Variants in CNTN4 observed in about 807,000 individuals in gnomAD.
The protein encoded by CNTN4 is contactin-4.
Under a neutral mutation model 122.5 loss-of-function variants are expected in CNTN4, and 77 were observed. That is an observed-to-expected ratio of 0.63 (90% confidence interval 0.52 to 0.76). CNTN4 has a LOEUF of 0.76. Ranked by LOEUF, CNTN4 falls within the 30% of genes least tolerant of loss-of-function variation. The pLI is 0.00. For missense variants in CNTN4, 1,256 were observed against 1,259.1 expected (o/e 1.00, Z 0.04); for synonymous variants, 512 against 447.0 (o/e 1.15, Z -1.83).
chr3:2,635,798 G>A (rs2150073920), intron 4 of CNTN4, among the ~76,000 whole-genome samples: 1 of 152,238 alleles, frequency 6.6e-6, no homozygotes, highest in South Asian at 2.1e-4. Flanking sequence ...ACTTGAGAAA[G>A]TTACGTTTGT....
intron 2 of CNTN4, among the ~76,000 whole-genome samples, chr3:2,283,993 C>A (rs1008671864): frequency 4.6e-5 from 7 of 152,114 alleles, no homozygotes; most frequent in African/African-American, 1.7e-4. Context: ...TTATCTAGTT[C>A]ATCTCTTGCT....
chr3:2,592,570 G>A (rs533347876), intron 4 of CNTN4, among the ~76,000 whole-genome samples: 58 of 152,220 alleles, frequency 3.8e-4, no homozygotes, highest in African/African-American at 1.3e-3. Flanking sequence ...TTTTAAAAAC[G>A]GGAGTTTCTC....
At chr3:2,899,470 A>C (rs1352519298) in intron 10 of CNTN4, among the ~76,000 whole-genome samples, 1 of 152,160 alleles carries the variant, frequency 6.6e-6, no homozygotes, top group African/African-American at 2.4e-5. Context: ...AATGACAGCT[A>C]TGGTTATCTT....
chr3:2,670,866 T>G, intron 4 of CNTN4, among the ~76,000 whole-genome samples: 1 of 152,230 alleles, frequency 6.6e-6, no homozygotes, highest in Non-Finnish European at 1.5e-5. Context: ...TTAGTTTGGC[T>G]GGATATGAAA....
At chr3:2,588,617 G>A (rs899496927) in intron 4 of CNTN4, among the ~76,000 whole-genome samples, 6 of 151,750 alleles carry the variant, frequency 4.0e-5, no homozygotes, top group African/African-American at 9.7e-5. Context: ...CACTCGCCTC[G>A]GCCTCCCAAA....
chr3:2,287,618 AG>A (rs1420983929), intron 2 of CNTN4, among the ~76,000 whole-genome samples: 4 of 34,610 alleles, frequency 1.2e-4, no homozygotes, highest in African/African-American at 1.9e-4. Flanking sequence ...AAGAAGGAGA[AG>A]GAGAAGGAGA....
At chr3:2,989,364 A>G (rs1225945118) in intron 14 of CNTN4, among the ~76,000 whole-genome samples, 1 of 152,156 alleles carries the variant, frequency 6.6e-6, no homozygotes. Context: ...GGAAACAGGA[A>G]GCCTTTCCTG....
At chr3:2,944,471 G>T (rs1258202034) in intron 13 of CNTN4, among the ~76,000 whole-genome samples, 1 of 152,018 alleles carries the variant, frequency 6.6e-6, no homozygotes, top group Non-Finnish European at 1.5e-5. Context: ...TGTTGGTAAC[G>T]AAACTTTTAT....
chr3:3,016,127 T>G (rs941294979), intron 14 of CNTN4, among the ~76,000 whole-genome samples: 1 of 152,220 alleles, frequency 6.6e-6, no homozygotes, highest in Non-Finnish European at 1.5e-5. Flanking sequence ...TATGATTCTT[T>G]TTTATCTTCC....
intron 13 of CNTN4, among the ~76,000 whole-genome samples, chr3:2,936,219 G>A (rs1015543462): frequency 6.6e-6 from 1 of 152,152 alleles, no homozygotes; most frequent in African/African-American, 2.4e-5. Context: ...ACCTGGGAAA[G>A]CATTTCAACT....
At chr3:2,170,165 C>T (rs2036423319) in intron 2 of CNTN4, among the ~76,000 whole-genome samples, 1 of 145,840 alleles carries the variant, frequency 6.9e-6, no homozygotes, top group Non-Finnish European at 1.5e-5. Flanking sequence ...ACTAAAAATA[C>T]AAAAAATTAG....
At chr3:2,746,434 C>A (rs1157988443) in intron 6 of CNTN4, among the ~76,000 whole-genome samples, 1 of 152,136 alleles carries the variant, frequency 6.6e-6, no homozygotes, top group Non-Finnish European at 1.5e-5. Context: ...TTAGAAATCA[C>A]AATTTGAAAA....
chr3:2,927,920 T>C (rs2094488377), intron 13 of CNTN4, among the ~76,000 whole-genome samples: 1 of 152,222 alleles, frequency 6.6e-6, no homozygotes, highest in South Asian at 2.1e-4. Context: ...TGCTGTGTTC[T>C]CACAGTTCTG....
At chr3:2,601,908 T>C (rs2149750534) in intron 4 of CNTN4, among the ~76,000 whole-genome samples, 1 of 152,138 alleles carries the variant, frequency 6.6e-6, no homozygotes, top group South Asian at 2.1e-4. Flanking sequence ...TCAAGTTGGC[T>C]TCATCCCTGG....
At position 2,615,619 on chromosome 3, in the gene CNTN4, A is replaced by T. The variant is rs549411630; in HGVS notation, c.55+44061A>T. Among the ~76,000 whole-genome samples, 13 of 152,324 alleles carry T rather than the reference A, an allele frequency of 8.5e-5. 1 individual carries two copies. The South Asian group carries it at 2.1e-3, about 24-fold the overall frequency. The stretch of plus-strand genomic sequence containing the variant: ...GAGGGCTAAGCAGCTTTATTGAAGT[A>T]TAATTTATATACCCTAAAGTATACT... On this transcript the variant is annotated intron_variant, in intron 4 of 24. Coordinates refer to ENST00000418658, the MANE Select transcript of CNTN4 (RefSeq NM_175607.3).
intron 3 of CNTN4, among the ~76,000 whole-genome samples, chr3:2,366,149 C>G (rs1193396914): frequency 6.6e-6 from 1 of 152,170 alleles, no homozygotes; most frequent in Admixed American, 6.5e-5. Flanking sequence ...ACTTTCTCTA[C>G]TGGCAGCCTA....
intron 2 of CNTN4, among the ~76,000 whole-genome samples, chr3:2,138,628 TAAG>T (rs1424243894): frequency 6.6e-6 from 1 of 152,142 alleles, no homozygotes; most frequent in Non-Finnish European, 1.5e-5. Context: ...GGGGAAAAAT[TAAG>T]AATTTGTCCC....
intron 2 of CNTN4, among the ~76,000 whole-genome samples, chr3:2,307,503 A>G (rs1398218885): frequency 6.6e-6 from 1 of 151,394 alleles, no homozygotes; most frequent in Non-Finnish European, 1.5e-5. Flanking sequence ...AAAAGCTTTC[A>G]TCTTTTACTG....
At chr3:2,809,633 C>T (rs1431586138) in intron 6 of CNTN4, among the ~76,000 whole-genome samples, 1 of 152,192 alleles carries the variant, frequency 6.6e-6, no homozygotes, top group Non-Finnish European at 1.5e-5. Flanking sequence ...TAACCATTAA[C>T]ACTCCTGAGT....
Sources: allele counts gnomAD v4.1 joint callset (sites outside exome capture counted in the v4.1 genomes callset), GRCh38; gene constraint gnomAD v4.1.1; transcripts MANE v1.5; gene names NCBI Gene and HGNC (gene_info 2026-07-23, HGNC 2026-07-21).